The following IKBIP variants were observed in gnomAD, a reference collection of about 807,000 sequenced individuals.
The protein encoded by IKBIP is inhibitor of nuclear factor kappa-B kinase-interacting protein.
In IKBIP, 28 loss-of-function variants were observed where a neutral mutation model predicts 31.0. The ratio of observed to expected loss-of-function variants is 0.90; its 90% CI spans 0.67 to 1.24. The LOEUF (loss-of-function observed/expected upper bound fraction) is 1.24, where lower values mean the gene tolerates loss of function less well. Among genes scored for constraint, IKBIP ranks in the 50% most tolerant of loss-of-function variants. IKBIP has a pLI of 0.00. For synonymous variants in IKBIP, 164 were observed against 160.3 expected (o/e 1.02, Z -0.17); for missense variants, 453 against 441.9 (o/e 1.03, Z -0.23).
chr12:98,639,764 C>A (rs919776997), intron 1 of IKBIP, among the ~76,000 whole-genome samples: 1 of 152,062 alleles, frequency 6.6e-6, no homozygotes, highest in South Asian at 2.1e-4. Context: ...GAAAAAGAGG[C>A]AAATAACCAA....
At position 98,641,902 on chromosome 12, in the gene IKBIP, G is replaced by A. The variant is rs151173161; in HGVS notation, c.179+2621C>T. Among the ~76,000 whole-genome samples the A allele has an allele frequency of 3.1e-3, 475 of 152,124 alleles. 2 individuals carry two copies. The highest frequency in any genetic ancestry group is 0.011 in the East Asian group (57 of 5,180). ...ACTCCTGACCTCAAGCAATTCTCTC[G>A]CCTCAGTTTCCCAAAGTGTTGGGAT... is the stretch of plus-strand genomic sequence containing the variant. On this transcript the variant is annotated intron_variant, in intron 1 of 2. Coordinates refer to ENST00000299157, the MANE Select transcript of IKBIP (RefSeq NM_153687.4).
At chr12:98,643,645 T>A (rs981420565) in intron 1 of IKBIP, among the ~76,000 whole-genome samples, 7 of 152,178 alleles carry the variant, frequency 4.6e-5, no homozygotes, top group Non-Finnish European at 1.0e-4. Context: ...AACTGGTTAG[T>A]TTTAAGTGAA....
Position 98,644,746 on chromosome 12 carries a change from A to T in IKBIP, c.-45T>A. ...ACAAGCCCAGGGCAGCTTCTTCACC[A>T]GGGGGAGCAGGACGTGGCCGCCTTG... On this transcript the variant is annotated 5_prime_UTR_variant, in exon 1 of 3. Coordinates refer to ENST00000299157, the MANE Select transcript of IKBIP (RefSeq NM_153687.4). 2 of 1,566,734 alleles carry T rather than the reference A, an allele frequency of 1.3e-6. No individual in the cohort carries two copies. The highest frequency in any genetic ancestry group is 1.7e-4 in the Middle Eastern group (1 of 5,894).
At chr12:98,618,349 A>G (rs1465748415) in intron 2 of IKBIP, among the ~76,000 whole-genome samples, 6 of 152,080 alleles carry the variant, frequency 3.9e-5, no homozygotes, top group Admixed American at 2.0e-4. Context: ...AATTGAGGCC[A>G]GGCGCGGTGG....
chr12:98,642,855 T>TC (rs975939489), intron 1 of IKBIP, among the ~76,000 whole-genome samples: 2 of 152,084 alleles, frequency 1.3e-5, no homozygotes, highest in African/African-American at 4.8e-5. Flanking sequence ...CACCTTGGCC[T>TC]CCCAAAGTGC....
At chr12:98,620,180 CA>C (rs1161270115), downstream of IKBIP, among the ~76,000 whole-genome samples, 26 of 151,210 alleles carry the variant, frequency 1.7e-4, no homozygotes, top group African/African-American at 5.8e-4. Flanking sequence ...CTCAGACTCC[CA>C]AAGTGCTGGG....
chr12:98,614,701 G>A (rs1490603871), intron 2 of IKBIP, among the ~76,000 whole-genome samples: 1 of 152,168 alleles, frequency 6.6e-6, no homozygotes, highest in East Asian at 1.9e-4. Context: ...CCATGCCTGG[G>A]ATTACAGGCG....
At chr12:98,614,420 TTTTTAA>T (rs1400931690) in intron 2 of IKBIP, 28 of 800,802 alleles carry the variant, frequency 3.5e-5, no homozygotes, top group East Asian at 9.5e-5. Flanking sequence ...TTTATATTTC[TTTTTAA>T]TTTTAATTTT....
Position 98,625,814 on chromosome 12 carries a change from T to G in IKBIP, c.*116A>C. On this transcript the variant is annotated 3_prime_UTR_variant, in exon 3 of 3. Coordinates refer to ENST00000299157, the MANE Select transcript of IKBIP (RefSeq NM_153687.4). ...TGTGGATAATCCATTTGTGTGGACA[T>G]CTCATTTATTTTCCAATAATGTAGG... 2.5e-6 allele frequency: 2 copies of G among 801,534 alleles called. No homozygotes were observed. The highest frequency in any genetic ancestry group is 3.5e-6 in the Non-Finnish European group (2 of 571,692). 49.7% of individuals were successfully genotyped at this position (801,534 alleles called of 1,614,324 possible).
chr12:98,630,792 T>G (rs1393334649), intron 2 of IKBIP, among the ~76,000 whole-genome samples: 1 of 152,172 alleles, frequency 6.6e-6, no homozygotes, highest in Non-Finnish European at 1.5e-5. Context: ...GGGATGGGTG[T>G]CCATGTCTAG....
chr12:98,632,525 A>ATATG (rs1555211600), intron 2 of IKBIP, among the ~76,000 whole-genome samples: 3 of 70,948 alleles, frequency 4.2e-5, no homozygotes, highest in Non-Finnish European at 8.6e-5. Flanking sequence ...ATATATATAT[A>ATATG]TATATATATA....
chr12:98,615,168 A>C (rs1003553363), intron 2 of IKBIP, among the ~76,000 whole-genome samples: 9 of 152,218 alleles, frequency 5.9e-5, no homozygotes, highest in African/African-American at 1.9e-4. Context: ...GCTAATGAAC[A>C]TATCTATCAC....
chr12:98,632,608 A>C (rs1275416154), intron 2 of IKBIP, among the ~76,000 whole-genome samples: 2 of 125,866 alleles, frequency 1.6e-5, no homozygotes, highest in Non-Finnish European at 3.2e-5. Context: ...CAACAGCTAC[A>C]ACCAGATTCC....
intron 2 of IKBIP, among the ~76,000 whole-genome samples, chr12:98,628,783 T>C (rs538825645): frequency 2.0e-5 from 3 of 152,292 alleles, no homozygotes; most frequent in South Asian, 4.1e-4. Flanking sequence ...CAAGATCTAC[T>C]GAGTACCCTG....
At chr12:98,628,199 C>G (rs564331176) in intron 2 of IKBIP, among the ~76,000 whole-genome samples, 1 of 152,348 alleles carries the variant, frequency 6.6e-6, no homozygotes, top group East Asian at 1.9e-4. Context: ...ACGAGAAAGA[C>G]AAGTGTATAT....
intron 2 of IKBIP, among the ~76,000 whole-genome samples, chr12:98,616,648 G>T (rs1280977728): frequency 6.6e-6 from 1 of 152,048 alleles, no homozygotes; most frequent in African/African-American, 2.4e-5. Context: ...AATTCATTTT[G>T]AATTGGTTTT....
At chr12:98,630,645 C>T (rs933303163) in intron 2 of IKBIP, among the ~76,000 whole-genome samples, 1 of 152,018 alleles carries the variant, frequency 6.6e-6, no homozygotes, top group East Asian at 1.9e-4. Context: ...TATTGATGAC[C>T]AGGAACCTAT....
intron 2 of IKBIP, among the ~76,000 whole-genome samples, chr12:98,629,033 G>A (rs961728286): frequency 1.3e-5 from 2 of 152,192 alleles, no homozygotes; most frequent in Non-Finnish European, 2.9e-5. Flanking sequence ...CAGACTGATT[G>A]ATGAATTAGC....
At chr12:98,634,275 G>T in intron 2 of IKBIP, 21 bp downstream of exon 2, 1 of 1,179,468 alleles carries the variant, frequency 8.5e-7, no homozygotes, top group Non-Finnish European at 1.3e-6. Context: ...AACCGTCCCA[G>T]ATAAGCCAAT....
Sources: gnomAD v4.1 joint callset for allele counts (sites outside exome capture counted in the v4.1 genomes callset) on GRCh38, gnomAD v4.1.1 for gene constraint, MANE v1.5 for transcripts, NCBI Gene and HGNC (gene_info 2026-07-23, HGNC 2026-07-21) for gene names.